Variants in FER observed in about 807,000 individuals in gnomAD.
FER encodes the protein tyrosine-protein kinase Fer.
FER carries 63 observed loss-of-function variants against 111.0 expected under a neutral mutation model. The observed-to-expected ratio is 0.57, with a 90% CI of 0.46 to 0.70. The LOEUF (loss-of-function observed/expected upper bound fraction) is 0.70, where lower values mean the gene tolerates loss of function less well. Ranked by LOEUF, FER falls within the 30% of genes least tolerant of loss-of-function variation. The pLI is 0.00. For synonymous variants in FER, 327 were observed against 313.9 expected (o/e 1.04, Z -0.44); for missense variants, 914 against 954.0 (o/e 0.96, Z 0.55).
intron 10 of FER, among the ~76,000 whole-genome samples, chr5:108,938,264 A>G (rs1755793385): frequency 6.6e-6 from 1 of 151,980 alleles, no homozygotes. Flanking sequence ...GAAGGAGATT[A>G]TAATAGGTAG....
intron 13 of FER, among the ~76,000 whole-genome samples, chr5:109,028,725 A>C (rs1272929545): frequency 6.6e-6 from 1 of 152,228 alleles, no homozygotes; most frequent in Admixed American, 6.5e-5. Flanking sequence ...AGACTGACTC[A>C]TGTAGGAACA....
In FER at chr5:109,187,687, A is replaced by ATTAT. The variant is rs1238648193; in HGVS notation, c.*115_*118dup. ...ACATTACCTTCGACAGTCTTCTACC[A>ATTAT]TTATTTTTTATTAACTGGGTGTTTT... On this transcript the variant is annotated 3_prime_UTR_variant, in exon 20 of 20. Transcript: ENST00000281092. 3.2e-6 allele frequency: 4 copies of ATTAT among 1,260,526 alleles called. No homozygotes were observed. Among genetic ancestry groups the ATTAT allele is most frequent in the African/African-American group, 1.5e-5 (1 of 65,674 alleles). 78.1% of individuals were successfully genotyped at this position (1,260,526 alleles called of 1,614,324 possible). A position where few individuals can be genotyped will look rare whatever the true frequency, so the allele number is the denominator to read the frequency against.
chr5:108,998,962 G>T (rs1263748291), intron 13 of FER, among the ~76,000 whole-genome samples: 1 of 152,062 alleles, frequency 6.6e-6, no homozygotes, highest in African/African-American at 2.4e-5. Context: ...TTATTACTTT[G>T]ATACATAATA....
chr5:108,983,520 A>C (rs1392897780), intron 13 of FER, among the ~76,000 whole-genome samples: 3 of 152,078 alleles, frequency 2.0e-5, no homozygotes, highest in African/African-American at 7.2e-5. Flanking sequence ...GTAGTAAATT[A>C]ATTTTTGTCC....
intron 8 of FER, among the ~76,000 whole-genome samples, chr5:108,873,214 G>C (rs184875830): frequency 2.7e-4 from 41 of 151,974 alleles, no homozygotes; most frequent in African/African-American, 9.7e-4. Flanking sequence ...GTGCGATCTC[G>C]GCTCACTGCA....
intron 8 of FER, among the ~76,000 whole-genome samples, chr5:108,880,445 A>G (rs1765567271): frequency 6.6e-6 from 1 of 152,168 alleles, no homozygotes; most frequent in Non-Finnish European, 1.5e-5. Flanking sequence ...CTTTCATTTG[A>G]ATTAAATGAG....
At chr5:108,867,674 CATA>C in intron 5 of FER, 90 bp from the exon 6 acceptor site, 1 of 1,226,790 alleles carries the variant, frequency 8.2e-7, no homozygotes, top group East Asian at 2.5e-5. Context: ...CGTGAAATAA[CATA>C]AAACAGTAGT....
chr5:108,886,062 A>T (rs1438531607), intron 9 of FER, among the ~76,000 whole-genome samples: 1 of 151,892 alleles, frequency 6.6e-6, no homozygotes, highest in Non-Finnish European at 1.5e-5. Flanking sequence ...AATGACTCCT[A>T]TTTTAAAATT....
intron 3 of FER, among the ~76,000 whole-genome samples, chr5:108,829,591 A>G (rs546582058): frequency 4.6e-5 from 7 of 152,276 alleles, no homozygotes; most frequent in Non-Finnish European, 8.8e-5. Context: ...GTGAGCCATG[A>G]TCGTGCCATT....
At chr5:109,007,194 G>A (rs1046638776) in intron 13 of FER, among the ~76,000 whole-genome samples, 9 of 152,072 alleles carry the variant, frequency 5.9e-5, no homozygotes, top group African/African-American at 4.8e-5. Flanking sequence ...AGATACATGA[G>A]GTATTAACAT....
intron 17 of FER, among the ~76,000 whole-genome samples, chr5:109,158,779 C>T (rs1755685169): frequency 6.6e-6 from 1 of 152,110 alleles, no homozygotes; most frequent in Admixed American, 6.6e-5. Context: ...CTTATCTCCA[C>T]CTCTGCTCAG....
chr5:109,009,323 C>T (rs529063611), intron 13 of FER, among the ~76,000 whole-genome samples: 22 of 152,054 alleles, frequency 1.4e-4, no homozygotes, highest in African/African-American at 5.1e-4. Context: ...GGTGAGCCAC[C>T]GTGCCCGGCC....
chr5:109,001,663 G>C (rs1291078255), intron 13 of FER, among the ~76,000 whole-genome samples: 2 of 152,130 alleles, frequency 1.3e-5, no homozygotes, highest in African/African-American at 2.4e-5. Context: ...GAAATAAAGG[G>C]CATTCAATTA....
intron 13 of FER, among the ~76,000 whole-genome samples, chr5:108,981,007 A>C (rs1761962205): frequency 1.3e-5 from 2 of 152,138 alleles, no homozygotes; most frequent in South Asian, 4.1e-4. Context: ...AAATGACATC[A>C]ATAGACTTGA....
intron 5 of FER, among the ~76,000 whole-genome samples, chr5:108,840,129 G>C (rs1054124338): frequency 6.6e-6 from 1 of 152,068 alleles, no homozygotes; most frequent in Non-Finnish European, 1.5e-5. Context: ...TGTTTCAGGC[G>C]TCATATACTC....
chr5:108,838,041 T>C (rs867481423), intron 5 of FER, among the ~76,000 whole-genome samples: 3 of 152,302 alleles, frequency 2.0e-5, no homozygotes, highest in East Asian at 3.9e-4. Flanking sequence ...ACATGAGAGA[T>C]AGGTAAACTT....
chr5:108,795,733 G>C (rs1019684050), intron 2 of FER, among the ~76,000 whole-genome samples: 1 of 151,940 alleles, frequency 6.6e-6, no homozygotes. Flanking sequence ...CAATCTCCTT[G>C]TTAAATTTAT....
chr5:108,985,587 C>T (rs994831103), intron 13 of FER, among the ~76,000 whole-genome samples: 1 of 152,034 alleles, frequency 6.6e-6, no homozygotes, highest in African/African-American at 2.4e-5. Context: ...TCCCTGATTC[C>T]CTCCCACCAT....
intron 10 of FER, among the ~76,000 whole-genome samples, chr5:108,901,830 A>C (rs556589458): frequency 6.6e-6 from 1 of 152,248 alleles, no homozygotes; most frequent in Non-Finnish European, 1.5e-5. Context: ...ACATGCCTGT[A>C]ATGCTAACCA....
Sources: allele counts gnomAD v4.1 joint callset (sites outside exome capture counted in the v4.1 genomes callset), GRCh38; gene constraint gnomAD v4.1.1; transcripts MANE v1.5; gene names NCBI Gene and HGNC (gene_info 2026-07-23, HGNC 2026-07-21).